PTPRT: variants seen among roughly 807,000 people sequenced by gnomAD.
PTPRT encodes the protein receptor-type tyrosine-protein phosphatase T.
A neutral mutation model predicts 176.8 loss-of-function variants in PTPRT; 56 were observed. The ratio of observed to expected loss-of-function variants is 0.32; its 90% CI spans 0.26 to 0.40. The LOEUF (loss-of-function observed/expected upper bound fraction) is 0.40, where lower values mean the gene tolerates loss of function less well. Ranked by LOEUF, PTPRT falls within the 10% of genes least tolerant of loss-of-function variation. The probability of loss-of-function intolerance (pLI) is 1.00; values close to 1 mark genes in which losing one functional copy is unlikely to be tolerated. For missense variants in PTPRT, 1,540 were observed against 1,908.2 expected, an observed-to-expected ratio of 0.81 and a Z score of 3.60; for synonymous variants, 783 against 739.0, an observed-to-expected ratio of 1.06 and a Z score of -0.96.
intron 3 of PTPRT, among the ~76,000 whole-genome samples, chr20:42,781,719 C>A (rs2077218220): frequency 6.6e-6 from 1 of 152,186 alleles, no homozygotes; most frequent in Admixed American, 6.5e-5. Flanking sequence ...CTTTCCACTG[C>A]AAAACTTTAA....
intron 1 of PTPRT, among the ~76,000 whole-genome samples, chr20:42,920,453 G>C (rs937961912): frequency 1.3e-5 from 2 of 152,176 alleles, no homozygotes; most frequent in African/African-American, 4.8e-5. Context: ...AGGGAGAGAA[G>C]GAAGGGGAGG....
At chr20:42,266,936 T>A (rs762951834) in intron 13 of PTPRT, among the ~76,000 whole-genome samples, 15 of 152,178 alleles carry the variant, frequency 9.9e-5, no homozygotes, top group Non-Finnish European at 1.9e-4. Flanking sequence ...ATGTGTAAAA[T>A]ACACACCAAA....
chr20:42,424,379 A>G (rs6102826), intron 9 of PTPRT, among the ~76,000 whole-genome samples: 123,554 of 152,136 alleles, frequency 0.81, 50,347 homozygotes, highest in Admixed American at 0.85. Flanking sequence ...CATATGGGTC[A>G]GGCTGTAAGT....
At chr20:42,546,902 G>T (rs1480338979) in intron 7 of PTPRT, among the ~76,000 whole-genome samples, 1 of 151,986 alleles carries the variant, frequency 6.6e-6, no homozygotes, top group Non-Finnish European at 1.5e-5. Context: ...CAACATCAAA[G>T]ATCACTTATT....
chr20:42,910,541 T>A (rs543558242), intron 1 of PTPRT, among the ~76,000 whole-genome samples: 95 of 152,278 alleles, frequency 6.2e-4, no homozygotes, highest in Middle Eastern at 6.8e-3. Flanking sequence ...TCCACTGGAC[T>A]TCCCCCAAGT....
chr20:42,650,930 C>T (rs1200347537), intron 7 of PTPRT, among the ~76,000 whole-genome samples: 1 of 151,998 alleles, frequency 6.6e-6, no homozygotes. Flanking sequence ...TACCTGAATT[C>T]TTGAGGAAGT....
At chr20:42,197,612 T>C (rs944961803) in intron 16 of PTPRT, among the ~76,000 whole-genome samples, 2 of 151,892 alleles carry the variant, frequency 1.3e-5, no homozygotes, top group Non-Finnish European at 2.9e-5. Context: ...TTATACTTTA[T>C]TGTGGTTATG....
At chr20:42,062,541 T>G in the PTPRT span, among the ~76,000 whole-genome samples, 3 of 152,218 alleles carry the variant, frequency 2.0e-5, no homozygotes, top group African/African-American at 7.2e-5. Flanking sequence ...GGAGCCATAA[T>G]GACAGTATTC....
chr20:42,150,823 C>G (rs187530969), intron 17 of PTPRT, among the ~76,000 whole-genome samples: 1 of 152,224 alleles, frequency 6.6e-6, no homozygotes, highest in Admixed American at 6.5e-5. Context: ...TCTCATGTGT[C>G]CTGATTGTGT....
chr20:42,631,740 G>A (rs936524955), intron 7 of PTPRT, among the ~76,000 whole-genome samples: 2 of 152,158 alleles, frequency 1.3e-5, no homozygotes, highest in African/African-American at 2.4e-5. Context: ...AAGCTGAGGG[G>A]ATTCTTGAAG....
chr20:42,727,295 A>T (rs989157027), intron 6 of PTPRT, among the ~76,000 whole-genome samples: 1 of 152,180 alleles, frequency 6.6e-6, no homozygotes, highest in Non-Finnish European at 1.5e-5. Flanking sequence ...GTTACTTGAC[A>T]TCTTTCGGTG....
chr20:42,166,717 G>A (rs1248453308), intron 16 of PTPRT, among the ~76,000 whole-genome samples: 2 of 152,074 alleles, frequency 1.3e-5, no homozygotes, highest in African/African-American at 2.4e-5. Context: ...CAGGAGTTTC[G>A]AGATCAGTCT....
chr20:42,224,035 T>C (rs2055947389), intron 15 of PTPRT, among the ~76,000 whole-genome samples: 1 of 152,202 alleles, frequency 6.6e-6, no homozygotes, highest in Admixed American at 6.5e-5. Flanking sequence ...GGTTGTAATA[T>C]ACCCACCAAT....
intron 6 of PTPRT, among the ~76,000 whole-genome samples, chr20:42,732,440 T>C (rs115412363): frequency 8.9e-4 from 136 of 152,340 alleles, no homozygotes; most frequent in African/African-American, 3.1e-3. Flanking sequence ...AAGTGAACAA[T>C]GCATATTTTA....
At chr20:43,025,474 G>A (rs1985872897) in intron 1 of PTPRT, among the ~76,000 whole-genome samples, 2 of 152,208 alleles carry the variant, frequency 1.3e-5, no homozygotes, top group South Asian at 4.1e-4. Context: ...AGGACCCTGA[G>A]GGTTGGAGTT....
chr20:42,731,595 A>G (rs188773784), intron 6 of PTPRT, among the ~76,000 whole-genome samples: 12 of 152,326 alleles, frequency 7.9e-5, no homozygotes, highest in Non-Finnish European at 1.8e-4. Flanking sequence ...GTGCGTCCAC[A>G]TTGCTTGGGC....
rs559526899 is a variant in PTPRT at position 42,366,209 on chromosome 20, G to A, written c.1561-13924C>T. On this transcript the variant is annotated intron_variant, in intron 9 of 30. Coordinates refer to ENST00000373187, the MANE Select transcript of PTPRT (RefSeq NM_007050.6). ...GAAGGTCCAGAGGCCACCCTTGAGG[G>A]TAGCCCAGGTCCCCTGACACCCAAA... is the stretch of plus-strand genomic sequence containing the variant. Among the ~76,000 whole-genome samples, 3 of 152,316 alleles carry A rather than the reference G, an allele frequency of 2.0e-5. No homozygotes were observed. In the South Asian group the frequency reaches 6.2e-4, roughly 32 times the overall value.
At chr20:42,317,318 A>G (rs148441353) in intron 11 of PTPRT, among the ~76,000 whole-genome samples, 93 of 152,316 alleles carry the variant, frequency 6.1e-4, no homozygotes, top group African/African-American at 2.1e-3. Context: ...CTCTCTTTGT[A>G]AAAGTTCTTT....
chr20:42,597,062 T>A (rs1427204025), intron 7 of PTPRT, among the ~76,000 whole-genome samples: 2 of 152,214 alleles, frequency 1.3e-5, no homozygotes. Flanking sequence ...CCCACAAAGC[T>A]GCAATGGAGG....
Sources: gnomAD v4.1 joint callset for allele counts (sites outside exome capture counted in the v4.1 genomes callset) on GRCh38, gnomAD v4.1.1 for gene constraint, MANE v1.5 for transcripts, NCBI Gene and HGNC (gene_info 2026-07-23, HGNC 2026-07-21) for gene names.